Variants in PPP1R12A observed in about 807,000 individuals in gnomAD.
The protein encoded by PPP1R12A is protein phosphatase 1 regulatory subunit 12A.
Under a neutral mutation model 139.6 loss-of-function variants are expected in PPP1R12A, and 19 were observed. The observed-to-expected ratio is 0.14, with a 90% confidence interval of 0.09 to 0.20. The LOEUF (loss-of-function observed/expected upper bound fraction) is 0.20, where lower values mean the gene tolerates loss of function less well. Ranked by LOEUF, PPP1R12A falls within the 10% of genes least tolerant of loss-of-function variation. The probability of loss-of-function intolerance (pLI) is 1.00; values close to 1 mark genes in which losing one functional copy is unlikely to be tolerated. For synonymous variants in PPP1R12A, 427 were observed against 420.6 expected (o/e 1.02, Z -0.19); for missense variants, 925 against 1,211.5 (o/e 0.76, Z 3.51).
intron 2 of PPP1R12A, among the ~76,000 whole-genome samples, chr12:79,849,576 G>C (rs1171055962): frequency 6.6e-6 from 1 of 152,072 alleles, no homozygotes; most frequent in African/African-American, 2.4e-5. Context: ...GGAAAAATAT[G>C]CCATAGTTAT....
At chr12:79,848,014 T>C (rs1023652022) in intron 2 of PPP1R12A, among the ~76,000 whole-genome samples, 1 of 152,198 alleles carries the variant, frequency 6.6e-6, no homozygotes, top group Admixed American at 6.5e-5. Flanking sequence ...TTTGTATTGG[T>C]TGTTTTGTGT....
chr12:79,873,510 A>C (rs1466544475), intron 1 of PPP1R12A, among the ~76,000 whole-genome samples: 1 of 151,190 alleles, frequency 6.6e-6, no homozygotes, highest in African/African-American at 2.4e-5. Context: ...AAAAAAAAAA[A>C]AAAAACATTG....
chr12:79,849,364 G>A (rs1879780503), intron 2 of PPP1R12A, among the ~76,000 whole-genome samples: 1 of 150,520 alleles, frequency 6.6e-6, no homozygotes, highest in African/African-American at 2.4e-5. Context: ...TCCAGTCTGG[G>A]TGACAGGGCT....
intron 2 of PPP1R12A, among the ~76,000 whole-genome samples, chr12:79,859,015 G>GA (rs1465917484): frequency 3.3e-5 from 5 of 151,706 alleles, no homozygotes; most frequent in African/African-American, 7.3e-5. Flanking sequence ...CGGCTACTGT[G>GA]AAAAAAAATA....
At chr12:79,876,746 A>C (rs946778936) in intron 1 of PPP1R12A, among the ~76,000 whole-genome samples, 3 of 152,182 alleles carry the variant, frequency 2.0e-5, no homozygotes, top group Non-Finnish European at 4.4e-5. Flanking sequence ...AGCACTATAC[A>C]GTGTACCCAA....
intron 2 of PPP1R12A, among the ~76,000 whole-genome samples, chr12:79,856,453 T>C (rs753889107): frequency 6.6e-6 from 1 of 152,244 alleles, no homozygotes; most frequent in Non-Finnish European, 1.5e-5. Flanking sequence ...CATAAATGCA[T>C]ATTTATTTAT....
chr12:79,873,513 A>AC (rs1322121967), intron 1 of PPP1R12A, among the ~76,000 whole-genome samples: 14 of 151,526 alleles, frequency 9.2e-5, no homozygotes, highest in South Asian at 2.1e-4. Flanking sequence ...AAAAAAAAAA[A>AC]AACATTGCTA....
chr12:79,789,532 C>T (rs1871539574), intron 20 of PPP1R12A: 1 of 391,734 alleles, frequency 2.6e-6, no homozygotes, highest in African/African-American at 2.1e-5. Flanking sequence ...TTGTCCTAAG[C>T]AGGAAAAACA....
chr12:79,793,608 T>C (rs1203659986), intron 19 of PPP1R12A, among the ~76,000 whole-genome samples: 1 of 152,192 alleles, frequency 6.6e-6, no homozygotes, highest in African/African-American at 2.4e-5. Flanking sequence ...TGGTGAGTTT[T>C]GGCAGTTCTG....
chr12:79,904,470 T>C (rs977926786), intron 1 of PPP1R12A, among the ~76,000 whole-genome samples: 3 of 152,098 alleles, frequency 2.0e-5, no homozygotes, highest in African/African-American at 7.2e-5. Context: ...TTCCCTATAA[T>C]GGGAAAGGCT....
At chr12:79,872,411 C>T (rs1022900824) in intron 2 of PPP1R12A, among the ~76,000 whole-genome samples, 1 of 152,076 alleles carries the variant, frequency 6.6e-6, no homozygotes, top group East Asian at 1.9e-4. Context: ...TAAACAGGCT[C>T]ACTGGAGAAC....
chr12:79,801,343 C>CT (rs1197064220), intron 14 of PPP1R12A, among the ~76,000 whole-genome samples: 1 of 28,836 alleles, frequency 3.5e-5, no homozygotes, highest in African/African-American at 1.2e-4. Context: ...AAAACTCTGT[C>CT]TCAAAAAAAA....
At chr12:79,874,564 G>T (rs1882918619) in intron 1 of PPP1R12A, among the ~76,000 whole-genome samples, 1 of 151,698 alleles carries the variant, frequency 6.6e-6, no homozygotes, top group South Asian at 2.1e-4. Flanking sequence ...TAAATCCCTG[G>T]TTTTAAACTC....
At chr12:79,848,549 A>G (rs1879674344) in intron 2 of PPP1R12A, among the ~76,000 whole-genome samples, 1 of 152,192 alleles carries the variant, frequency 6.6e-6, no homozygotes, top group Admixed American at 6.5e-5. Context: ...AACAGGAAGG[A>G]TGTTAAGAGA....
At chr12:79,900,508 G>C (rs1885538486) in intron 1 of PPP1R12A, among the ~76,000 whole-genome samples, 2 of 152,232 alleles carry the variant, frequency 1.3e-5, no homozygotes, top group African/African-American at 4.8e-5. Context: ...TGAAACAAAT[G>C]GCAGGGAACT....
At chr12:79,847,923 C>A (rs1051185116) in intron 2 of PPP1R12A, among the ~76,000 whole-genome samples, 1 of 152,192 alleles carries the variant, frequency 6.6e-6, no homozygotes, top group Admixed American at 6.5e-5. Flanking sequence ...AATGAAATAA[C>A]TGATCAATCT....
At chr12:79,881,225 A>T (rs571425597) in intron 1 of PPP1R12A, among the ~76,000 whole-genome samples, 1 of 152,328 alleles carries the variant, frequency 6.6e-6, no homozygotes, top group African/African-American at 2.4e-5. Flanking sequence ...AAAAGCTAGA[A>T]ATGATTAAGC....
intron 1 of PPP1R12A, among the ~76,000 whole-genome samples, chr12:79,875,920 C>T (rs778784582): frequency 2.0e-5 from 3 of 152,048 alleles, no homozygotes; most frequent in Non-Finnish European, 4.4e-5. Flanking sequence ...TTTTCTAGGA[C>T]TGAAAACACA....
intron 2 of PPP1R12A, among the ~76,000 whole-genome samples, chr12:79,847,180 C>T (rs1448745854): frequency 6.6e-6 from 1 of 152,014 alleles, no homozygotes; most frequent in Admixed American, 6.5e-5. Context: ...TGTGTGTAAA[C>T]ATATATACAC....
Sources: gnomAD v4.1 joint callset for allele counts (sites outside exome capture counted in the v4.1 genomes callset) on GRCh38, gnomAD v4.1.1 for gene constraint, MANE v1.5 for transcripts, NCBI Gene and HGNC (gene_info 2026-07-23, HGNC 2026-07-21) for gene names.